IPO8: variants seen among roughly 807,000 people sequenced by gnomAD.
IPO8 encodes the protein importin 8.
Under a neutral mutation model 141.2 loss-of-function variants are expected in IPO8, and 65 were observed. The ratio of observed to expected loss-of-function variants is 0.46; its 90% CI spans 0.38 to 0.57. IPO8 has a LOEUF of 0.57. IPO8 is among the 20% of genes least tolerant of loss of function. The probability of loss-of-function intolerance (pLI) is 0.00; values close to 1 mark genes in which losing one functional copy is unlikely to be tolerated. For synonymous variants in IPO8, 411 were observed against 420.3 expected, an observed-to-expected ratio of 0.98 and a Z score of 0.27; for missense variants, 980 against 1,246.8, an observed-to-expected ratio of 0.79 and a Z score of 3.22.
At chr12:30,666,889 A>C (rs2052973828) in intron 10 of IPO8, among the ~76,000 whole-genome samples, 1 of 152,200 alleles carries the variant, frequency 6.6e-6, no homozygotes, top group Non-Finnish European at 1.5e-5. Context: ...AAAAGCCTTG[A>C]AGGACTGCTA....
intron 17 of IPO8, among the ~76,000 whole-genome samples, chr12:30,655,498 T>G (rs538393691): frequency 1.3e-5 from 2 of 152,334 alleles, no homozygotes; most frequent in African/African-American, 4.8e-5. Context: ...AAGTATATAA[T>G]ACATGGTTAC....
intron 18 of IPO8, 120 bp downstream of exon 18, chr12:30,652,847 C>A: frequency 1.0e-6 from 1 of 963,484 alleles, no homozygotes; most frequent in East Asian, 2.6e-5. Flanking sequence ...TTTTATGTGA[C>A]CGGGAAATAA....
At chr12:30,677,035 A>G in intron 5 of IPO8, 1 of 1,526,124 alleles carries the variant, frequency 6.6e-7, no homozygotes, top group South Asian at 1.2e-5. Flanking sequence ...CTAAACAGAT[A>G]TATGGCTCAC....
chr12:30,653,721 A>G (rs1011994642), intron 17 of IPO8, among the ~76,000 whole-genome samples: 2 of 152,208 alleles, frequency 1.3e-5, no homozygotes, highest in African/African-American at 4.8e-5. Flanking sequence ...TACAGCCAGG[A>G]AACACAAATC....
intron 5 of IPO8, chr12:30,677,056 C>T (rs1565507795): frequency 2.0e-6 from 3 of 1,522,638 alleles, no homozygotes; most frequent in East Asian, 2.5e-5. Context: ...CTCTGCTGTA[C>T]TGTGAGTTGC....
At chr12:30,644,365 T>C (rs1410365634) in intron 20 of IPO8, among the ~76,000 whole-genome samples, 1 of 118,550 alleles carries the variant, frequency 8.4e-6, no homozygotes, top group Non-Finnish European at 1.8e-5. Context: ...AGAGATCCAA[T>C]CTCCATTAAA....
intron 10 of IPO8, among the ~76,000 whole-genome samples, chr12:30,666,984 A>G (rs2052976078): frequency 6.6e-6 from 1 of 152,350 alleles, no homozygotes; most frequent in South Asian, 2.1e-4. Flanking sequence ...ATCACTTAAT[A>G]CCATGAACAT....
chr12:30,639,745 A>G lies in IPO8; in HGVS notation c.2269-10T>C. The G allele has an allele frequency of 1.9e-6, 3 of 1,604,104 alleles. No homozygotes were observed. The highest frequency in any genetic ancestry group is 2.6e-6 in the Non-Finnish European group (3 of 1,171,534). On this transcript the variant is annotated splice_polypyrimidine_tract_variant and intron_variant, in intron 20 of 24. Transcript: ENST00000256079. ...CGAAGAGTGGAATGCACTAGAAGAC[A>G]AGCAAAAGAAAGTCAACCACACAGA...
chr12:30,674,863 T>A, intron 6 of IPO8, 110 bp from the exon 7 acceptor site: 1 of 759,872 alleles, frequency 1.3e-6, no homozygotes, highest in South Asian at 1.5e-5. Context: ...AAATGTGAAG[T>A]TAGATTGCTA....
intron 17 of IPO8, among the ~76,000 whole-genome samples, chr12:30,655,857 TTCTA>T (rs2052792145): frequency 6.6e-6 from 1 of 152,204 alleles, no homozygotes; most frequent in African/African-American, 2.4e-5. Flanking sequence ...TCCTGCATCC[TTCTA>T]TCTGAGTACT....
intron 5 of IPO8, among the ~76,000 whole-genome samples, chr12:30,678,362 T>A (rs189086637): frequency 3.9e-5 from 6 of 152,274 alleles, no homozygotes; most frequent in Non-Finnish European, 7.4e-5. Context: ...GGAGTGCTTT[T>A]TAAAAAATAT....
chr12:30,650,928 A>T (rs2052718127), intron 19 of IPO8, among the ~76,000 whole-genome samples: 1 of 152,042 alleles, frequency 6.6e-6, no homozygotes, highest in Non-Finnish European at 1.5e-5. Flanking sequence ...ATAAAGGTTA[A>T]TATTATAGAA....
chr12:30,638,411 C>T (rs113716119), intron 21 of IPO8, among the ~76,000 whole-genome samples: 164 of 152,292 alleles, frequency 1.1e-3, no homozygotes, highest in African/African-American at 3.9e-3. Flanking sequence ...CCATTCCTAA[C>T]GCCCCACCCT....
chr12:30,680,291 G>C (rs958200068), intron 5 of IPO8, 191 bp downstream of exon 5: 47 of 485,980 alleles, frequency 9.7e-5, no homozygotes, highest in African/African-American at 8.9e-4. Flanking sequence ...AAAGCACTTA[G>C]GGGCAGATAT....
intron 14 of IPO8, among the ~76,000 whole-genome samples, chr12:30,662,894 C>G (rs1243879239): frequency 6.6e-6 from 1 of 152,170 alleles, no homozygotes; most frequent in African/African-American, 2.4e-5. Context: ...CCCAGGCCAT[C>G]TCTACCACCC....
chr12:30,633,991 A>C (rs2052467815), intron 23 of IPO8, 92 bp downstream of exon 23: 2 of 1,180,106 alleles, frequency 1.7e-6, no homozygotes, highest in Non-Finnish European at 2.4e-6. Flanking sequence ...AAAAGAACCT[A>C]GACCAATCTT....
intron 2 of IPO8, among the ~76,000 whole-genome samples, chr12:30,685,233 G>A (rs772425387): frequency 5.3e-5 from 8 of 151,218 alleles, no homozygotes; most frequent in Non-Finnish European, 1.0e-4. Context: ...TCTGTCTCCC[G>A]GGTTCAAACG....
Position 30,665,301 on chromosome 12 carries a change from T to A in IPO8, c.1347A>T (p.Leu449Phe). 2 of 1,558,522 alleles carry A rather than the reference T, an allele frequency of 1.3e-6. No individual in the cohort carries two copies. Among genetic ancestry groups the A allele is most frequent in the Non-Finnish European group, 8.8e-7 (1 of 1,135,886 alleles). ...SLAEILLKKS[L>F]FKDQMELFLQ... is the part of the protein sequence containing the mutation. Reference sequence around the variant, plus strand: ...GAAACAGCTCCATTTGGTCCTTGAATAAACTCTTCTATTAGGAAACAAATT... The same window carrying A: ...GAAACAGCTCCATTTGGTCCTTGAAAAAACTCTTCTATTAGGAAACAAATT... The change falls in exon 13 of 25, where the codon TTA becomes TTT. Residue 449 changes from leucine to phenylalanine, a missense_variant. By Grantham distance (22) the Leu-to-Phe change is conservative (BLOSUM62 0). Transcript: ENST00000256079.
In IPO8 at chr12:30,674,647, A is replaced by G; in HGVS notation, c.824+12T>C. On this transcript the variant is annotated intron_variant, in intron 7 of 24. Coordinates refer to ENST00000256079, the MANE Select transcript of IPO8 (RefSeq NM_006390.4). ...GGCTGTATGATCATCAATGTAATAA[A>G]CAGATAATTACCGTTCAAAGAGCCG... The G allele has an allele frequency of 6.4e-7, 1 of 1,562,632 alleles. No individual in the cohort carries two copies. The highest frequency in any genetic ancestry group is 8.8e-7 in the Non-Finnish European group (1 of 1,133,422).
Sources: gnomAD v4.1 joint callset for allele counts (sites outside exome capture counted in the v4.1 genomes callset) on GRCh38, gnomAD v4.1.1 for gene constraint, MANE v1.5 for transcripts, NCBI Gene and HGNC (gene_info 2026-07-23, HGNC 2026-07-21) for gene names.